Variants in SLCO3A1 observed in about 807,000 individuals in gnomAD.
SLCO3A1 encodes the protein PGE1 transporter.
SLCO3A1 carries 27 observed loss-of-function variants against 63.1 expected under a neutral mutation model. That is an observed-to-expected ratio of 0.43 (90% CI 0.32 to 0.59). The LOEUF (loss-of-function observed/expected upper bound fraction) is 0.59. Ranked by LOEUF, SLCO3A1 falls within the 20% of genes least tolerant of loss-of-function variation. The pLI is 0.09. For missense variants in SLCO3A1, 773 were observed against 945.8 expected (o/e 0.82, Z 2.40); for synonymous variants, 473 against 409.9 (o/e 1.15, Z -1.86).
intron 3 of SLCO3A1, among the ~76,000 whole-genome samples, 159 bp downstream of exon 3, chr15:92,095,138 TGAGTGTTGGTTCA>T (rs886978018): frequency 2.0e-5 from 3 of 152,206 alleles, no homozygotes; most frequent in Admixed American, 6.5e-5. Context: ...TGAAAGAACG[TGAGTGTTGGTTCA>T]GAGGGCCTGA....
chr15:92,143,907 C>T (rs1328781598), intron 7 of SLCO3A1, among the ~76,000 whole-genome samples: 4 of 152,108 alleles, frequency 2.6e-5, no homozygotes, highest in South Asian at 2.1e-4. Flanking sequence ...CATGGCTGCT[C>T]AGGAGATCTG....
At chr15:91,928,901 T>C (rs1179165255) in intron 2 of SLCO3A1, among the ~76,000 whole-genome samples, 4 of 152,236 alleles carry the variant, frequency 2.6e-5, no homozygotes, top group South Asian at 2.1e-4. Flanking sequence ...ACTGCACTTA[T>C]GCAACTTGGA....
intron 9 of SLCO3A1, chr15:92,162,537 C>T: frequency 1.6e-6 from 1 of 643,212 alleles, no homozygotes; most frequent in Non-Finnish European, 2.5e-6. Flanking sequence ...GATGAGGAAA[C>T]TAAGGCAGGA....
intron 2 of SLCO3A1, among the ~76,000 whole-genome samples, chr15:91,921,453 C>G (rs191501022): frequency 6.6e-6 from 1 of 152,286 alleles, no homozygotes; most frequent in Admixed American, 6.5e-5. Flanking sequence ...TAGTACCAAA[C>G]CAAGACTACA....
chr15:91,904,521 A>G (rs1475492583), intron 1 of SLCO3A1, among the ~76,000 whole-genome samples: 1 of 152,200 alleles, frequency 6.6e-6, no homozygotes, highest in African/African-American at 2.4e-5. Flanking sequence ...GTTAATATCC[A>G]TTGGTCCTGT....
At position 92,150,965 on chromosome 15, in the gene SLCO3A1, A is replaced by G. The variant is rs150745765; in HGVS notation, c.1704A>G (p.Glu568=). The G allele has an allele frequency of 4.3e-6, 7 of 1,612,680 alleles. No homozygotes were observed. In the African/African-American group the frequency reaches 8.0e-5, roughly 18 times the overall value. ...TTGCACGTAGGACAGTCAGCCCTGAACTCAAGTCTTACGCTTTGGGAGTTC... is the reference window on the plus strand; with the variant it reads ...TTGCACGTAGGACAGTCAGCCCTGAGCTCAAGTCTTACGCTTTGGGAGTTC... ...VIILIRTVSP[E]LKSYALGVLF... Residue 568 remains glutamate, a synonymous_variant, in exon 9 of 10, where the codon GAA becomes GAG. Transcript: ENST00000318445.
rs1178652490 is a variant in SLCO3A1 at position 92,033,857 on chromosome 15, A to C, written c.647-61024A>C. 6.6e-6 allele frequency among the ~76,000 whole-genome samples: 1 copy of C among 152,080 alleles called. No homozygotes were observed. On this transcript the variant is annotated intron_variant, in intron 2 of 9. Transcript: ENST00000318445. The surrounding 1 kb of genome is among the most constrained non-coding windows in gnomAD (Gnocchi z 4.5). Reference sequence around the variant, plus strand: ...AGCCGGGAGGTTATCTGGAGGAAAAACATTCCAGACAGACCAGTGAGGGCT... The same window carrying C: ...AGCCGGGAGGTTATCTGGAGGAAAACCATTCCAGACAGACCAGTGAGGGCT...
chr15:91,959,377 A>G (rs768078158), intron 2 of SLCO3A1, among the ~76,000 whole-genome samples: 12 of 152,050 alleles, frequency 7.9e-5, no homozygotes, highest in Non-Finnish European at 7.4e-5. Flanking sequence ...TGACCACTAA[A>G]GAACTCGTTC....
intron 6 of SLCO3A1, 89 bp from the exon 7 acceptor site, chr15:92,128,262 T>C: frequency 6.5e-7 from 1 of 1,527,062 alleles, no homozygotes; most frequent in Non-Finnish European, 9.0e-7. Flanking sequence ...ACGCGACTCA[T>C]CACAACAGAG....
At chr15:92,159,276 A>G (rs1317958289) in intron 9 of SLCO3A1, among the ~76,000 whole-genome samples, 2 of 152,112 alleles carry the variant, frequency 1.3e-5, no homozygotes, top group Admixed American at 6.5e-5. Context: ...CACAAGGTCA[A>G]GAGATCGAGA....
chr15:92,060,114 T>C (rs138949106), intron 2 of SLCO3A1, among the ~76,000 whole-genome samples: 141 of 152,306 alleles, frequency 9.3e-4, no homozygotes, highest in Non-Finnish European at 1.6e-3. Context: ...TAGAGGGCAC[T>C]TACCATGAAT....
At position 91,916,490 on chromosome 15, in the gene SLCO3A1, A is replaced by G; in HGVS notation, c.646+32A>G. ...GCTGCCCCAGCCGTATTAGCAAGAG[A>G]CCAGGGTGTGTTGACCATGGATAAA... On this transcript the variant is annotated intron_variant, in intron 2 of 9. Coordinates refer to ENST00000318445, the MANE Select transcript of SLCO3A1 (RefSeq NM_013272.4). This position sits in a 1 kb window ranked among gnomAD's most constrained non-coding sequence, Gnocchi z 6.2. 6.7e-7 allele frequency: 1 copy of G among 1,498,308 alleles called. No homozygotes were observed. The highest frequency in any genetic ancestry group is 9.1e-7 in the Non-Finnish European group (1 of 1,103,582). 92.8% of individuals were successfully genotyped at this position (1,498,308 alleles called of 1,614,324 possible).
intron 2 of SLCO3A1, among the ~76,000 whole-genome samples, chr15:92,073,902 C>T (rs1177949311): frequency 6.6e-6 from 1 of 152,246 alleles, no homozygotes; most frequent in African/African-American, 2.4e-5. Context: ...GGCACCGTGG[C>T]TCACGCCTGT....
At chr15:91,925,258 C>G (rs1898972728) in intron 2 of SLCO3A1, among the ~76,000 whole-genome samples, 1 of 152,158 alleles carries the variant, frequency 6.6e-6, no homozygotes, top group Non-Finnish European at 1.5e-5. Context: ...TTGTCCTTTT[C>G]ACCTACAAGA....
Position 91,863,387 on chromosome 15 carries a change from C to T in SLCO3A1, c.180+9299C>T, listed in dbSNP as rs1271913366. 2.0e-5 allele frequency among the ~76,000 whole-genome samples: 3 copies of T among 152,236 alleles called. No individual in the cohort carries two copies. Among genetic ancestry groups the T allele is most frequent in the East Asian group, 1.9e-4 (1 of 5,198 alleles). On this transcript the variant is annotated intron_variant, in intron 1 of 9. Transcript: ENST00000318445. This position sits in a 1 kb window ranked among gnomAD's most constrained non-coding sequence, Gnocchi z 4.3. ...GAGGGCAGGGCCCCCTTAAGGTTGGCTTTCGAGGTTGCTCGTGCAGTGTAG... is the reference window on the plus strand; with the variant it reads ...GAGGGCAGGGCCCCCTTAAGGTTGGTTTTCGAGGTTGCTCGTGCAGTGTAG...
At chr15:92,097,153 G>A (rs946406871) in intron 3 of SLCO3A1, among the ~76,000 whole-genome samples, 1 of 152,198 alleles carries the variant, frequency 6.6e-6, no homozygotes, top group Non-Finnish European at 1.5e-5. Context: ...TGAACCAAAA[G>A]CCTGCGAATG....
chr15:91,992,074 C>T (rs1456267479), intron 2 of SLCO3A1, among the ~76,000 whole-genome samples: 1 of 152,152 alleles, frequency 6.6e-6, no homozygotes, highest in African/African-American at 2.4e-5. Context: ...GGAGCTCTAC[C>T]CTGTGCCACA....
intron 2 of SLCO3A1, among the ~76,000 whole-genome samples, chr15:92,054,375 C>A (rs949040454): frequency 6.6e-6 from 1 of 152,162 alleles, no homozygotes; most frequent in Non-Finnish European, 1.5e-5. Context: ...AGTTGTAGCA[C>A]CACAGTGAAT....
At chr15:92,068,568 T>A (rs1014662634) in intron 2 of SLCO3A1, among the ~76,000 whole-genome samples, 3 of 152,222 alleles carry the variant, frequency 2.0e-5, no homozygotes, top group African/African-American at 7.2e-5. Flanking sequence ...GAGAAATTTT[T>A]AAAAATTAAC....
Sources: allele counts gnomAD v4.1 joint callset (sites outside exome capture counted in the v4.1 genomes callset), GRCh38; gene constraint gnomAD v4.1.1; non-coding constraint Gnocchi (gnomAD v3.1); transcripts MANE v1.5; gene names NCBI Gene and HGNC (gene_info 2026-07-23, HGNC 2026-07-21).